ADGRD2: variants seen among roughly 807,000 people sequenced by gnomAD.
The protein encoded by ADGRD2 is adhesion G protein-coupled receptor D2.
In ADGRD2, 71 loss-of-function variants were observed where a neutral mutation model predicts 44.4. The observed-to-expected ratio is 1.60, with a 90% confidence interval of 1.32 to 1.95. ADGRD2 has a LOEUF of 1.95. ADGRD2 is among the 30% of genes most tolerant of loss of function. The pLI, the probability that ADGRD2 is intolerant of heterozygous loss-of-function variation, is 0.00. For missense variants in ADGRD2, 1,039 were observed against 512.4 expected, an observed-to-expected ratio of 2.03 and a Z score of -9.92; for synonymous variants, 481 against 224.8, an observed-to-expected ratio of 2.14 and a Z score of -10.19.
At chr9:124,467,630 G>A (rs997934426) in intron 11 of ADGRD2, 91 bp from the exon 15 acceptor site, 57 of 685,798 alleles carry the variant, frequency 8.3e-5, no homozygotes, top group Admixed American at 8.0e-4. Flanking sequence ...CGAATGCGGC[G>A]TGGGGGGCCT....
chr9:124,466,520 A>G (rs1250223331), intron 11 of ADGRD2, 107 bp downstream of exon 14: 1 of 571,830 alleles, frequency 1.7e-6, no homozygotes, highest in Non-Finnish European at 3.2e-6. Flanking sequence ...GCCAGCTTTC[A>G]TAGATTGTCG....
chr9:124,459,551 C>T (rs1831687773), intron 10 of ADGRD2, among the ~76,000 whole-genome samples: 1 of 151,754 alleles, frequency 6.6e-6, no homozygotes, highest in Non-Finnish European at 1.5e-5. Flanking sequence ...GGGAGGGTTT[C>T]GCCACCAAGG....
At chr9:124,455,204 TG>T (rs1450380936) in intron 6 of ADGRD2, 77 bp downstream of exon 9, 1 of 605,710 alleles carries the variant, frequency 1.7e-6, no homozygotes, top group East Asian at 2.8e-5. Context: ...TGTGTAGCTG[TG>T]GGGGAGTCAG....
chr9:124,458,925 C>A (rs992046911), intron 10 of ADGRD2, among the ~76,000 whole-genome samples: 1 of 152,202 alleles, frequency 6.6e-6, no homozygotes, highest in Non-Finnish European at 1.5e-5. Flanking sequence ...GCCACAGATA[C>A]GCAGCCTTCG....
chr9:124,455,123 G>A (rs527753414), exon 6 of ADGRD2: 54 of 700,416 alleles, frequency 7.7e-5, no homozygotes, highest in South Asian at 6.8e-4. Flanking sequence ...CTCTCCCTCC[G>A]TGAAGTGAGG....
chr9:124,477,759 C>A (rs1037959549), intron 21 of ADGRD2, among the ~76,000 whole-genome samples: 1 of 152,132 alleles, frequency 6.6e-6, no homozygotes, highest in Non-Finnish European at 1.5e-5. Context: ...GAGGCGCCCC[C>A]CACAGGCCCG....
At chr9:124,451,997 GCC>G, upstream of ADGRD2, 8 of 360,930 alleles carry the variant, frequency 2.2e-5, no homozygotes, top group South Asian at 4.2e-5. Context: ...TCCACTGAAT[GCC>G]CCCCTCCCAC....
intron 17 of ADGRD2, among the ~76,000 whole-genome samples, chr9:124,471,251 C>A (rs949270877): frequency 6.6e-6 from 1 of 152,210 alleles, no homozygotes; most frequent in African/African-American, 2.4e-5. Context: ...CGTTTTCCCT[C>A]GACCTCCCTG....
chr9:124,451,074 TGA>T (rs2131215774), upstream of ADGRD2: 1 of 472,062 alleles, frequency 2.1e-6, no homozygotes, highest in South Asian at 1.5e-5. Context: ...GTGGTACTAC[TGA>T]GAGACTGGGA....
exon 8 of ADGRD2, chr9:124,457,478 A>T: frequency 1.6e-6 from 1 of 626,806 alleles, no homozygotes; most frequent in South Asian, 1.8e-5. Flanking sequence ...CCAGGCCTGG[A>T]GGTGCGGAGC....
chr9:124,458,802 A>G (rs1831669703), intron 10 of ADGRD2, 81 bp downstream of exon 13: 1 of 674,772 alleles, frequency 1.5e-6, no homozygotes, highest in South Asian at 1.6e-5. Flanking sequence ...GTATTTATCC[A>G]ATGGACAACC....
intron 13 of ADGRD2, 80 bp from the exon 17 acceptor site, chr9:124,468,439 C>T (rs986654214): frequency 2.4e-5 from 17 of 712,000 alleles, no homozygotes; most frequent in Admixed American, 1.4e-4. Flanking sequence ...TTGGCAAGGC[C>T]GGGCTGGGCA....
At position 124,476,711 on chromosome 9, in the gene ADGRD2, T is replaced by C; in HGVS notation, c.*18+2T>C. The stretch of plus-strand genomic sequence containing the variant: ...AACTGACAGCGTTCAAAGCTTCAGG[T>C]ACAGTCCCCACCTCACGGGGTCCCC... On this transcript the variant is annotated splice_donor_variant, in intron 21 of 21. Coordinates refer to ENST00000334810, the Ensembl canonical transcript of ADGRD2. LOFTEE classifies it low-confidence loss of function (3UTR_SPLICE). The C allele has an allele frequency of 1.4e-6, 1 of 701,960 alleles. No homozygotes were observed. 43.5% of individuals were successfully genotyped at this position (701,960 alleles called of 1,614,324 possible).
chr9:124,464,913 G>A (rs1382210240), intron 10 of ADGRD2, among the ~76,000 whole-genome samples: 1 of 152,168 alleles, frequency 6.6e-6, no homozygotes, highest in Non-Finnish European at 1.5e-5. Context: ...ACTGAACAAA[G>A]TATCACGGAG....
Position 124,459,898 on chromosome 9 carries a change from T to C in ADGRD2, c.1870+1177T>C, listed in dbSNP as rs554075494. Among the ~76,000 whole-genome samples the C allele has an allele frequency of 3.9e-5, 6 of 152,194 alleles. No homozygotes were observed. In the East Asian group the frequency reaches 9.6e-4, roughly 24 times the overall value. ...TCTCCCGCAGGTAATAGGGACCAAG[T>C]GTGCAATGGAATAGTCAACTGAAAG... On this transcript the variant is annotated intron_variant, in intron 10 of 21. Transcript: ENST00000334810.
At chr9:124,456,116 C>G (rs1018347000) in intron 6 of ADGRD2, among the ~76,000 whole-genome samples, 1 of 152,194 alleles carries the variant, frequency 6.6e-6, no homozygotes, top group Non-Finnish European at 1.5e-5. Flanking sequence ...GACTGAAGCT[C>G]AGTTTTCTTC....
intron 10 of ADGRD2, among the ~76,000 whole-genome samples, chr9:124,464,810 A>ATG (rs1831784958): frequency 3.6e-5 from 3 of 83,242 alleles, no homozygotes; most frequent in South Asian, 8.9e-4. Flanking sequence ...CTGTGTGTGT[A>ATG]CGTGTGTGTG....
chr9:124,475,700 G>A (rs190657746), intron 19 of ADGRD2, 85 bp downstream of exon 22: 176 of 564,888 alleles, frequency 3.1e-4, no homozygotes, highest in Non-Finnish European at 4.6e-4. Flanking sequence ...TTTAAGTCCC[G>A]TGCCAGCCCT....
chr9:124,466,613 C>A, intron 11 of ADGRD2, 200 bp downstream of exon 14: 1 of 393,572 alleles, frequency 2.5e-6, no homozygotes, highest in South Asian at 6.9e-5. Context: ...AGTTCAAGAC[C>A]AGCCTGGGCA....
Sources: gnomAD v4.1 joint callset for allele counts (sites outside exome capture counted in the v4.1 genomes callset) on GRCh38, gnomAD v4.1.1 for gene constraint, MANE v1.5 for transcripts, NCBI Gene and HGNC (gene_info 2026-07-23, HGNC 2026-07-21) for gene names.